Variants in NBEA observed in about 807,000 individuals in gnomAD.
The protein encoded by NBEA is neurobeachin.
In NBEA, 44 loss-of-function variants were observed where a neutral mutation model predicts 343.4. That is an observed-to-expected ratio of 0.13 (90% CI 0.10 to 0.16). The LOEUF is 0.16. Among genes scored for constraint, NBEA ranks in the 10% least tolerant of loss-of-function variants. The pLI, the probability that NBEA is intolerant of heterozygous loss-of-function variation, is 1.00. For missense variants in NBEA, 2,555 were observed against 3,631.3 expected (o/e 0.70, Z 7.62); for synonymous variants, 1,175 against 1,238.7 (o/e 0.95, Z 1.08).
intron 43 of NBEA, among the ~76,000 whole-genome samples, chr13:35,554,557 G>C (rs1309086136): frequency 6.6e-6 from 1 of 152,230 alleles, no homozygotes; most frequent in East Asian, 1.9e-4. Flanking sequence ...CTCTGTGTGT[G>C]TGAAGGCAAG....
intron 1 of NBEA, among the ~76,000 whole-genome samples, chr13:35,008,909 TG>T (rs1005065325): frequency 3.3e-5 from 5 of 152,204 alleles, no homozygotes; most frequent in African/African-American, 1.2e-4. Flanking sequence ...TTAAAATCTT[TG>T]TTCAGGTTCT....
chr13:35,178,294 C>T (rs1309678723), intron 28 of NBEA, among the ~76,000 whole-genome samples: 3 of 151,688 alleles, frequency 2.0e-5, no homozygotes, highest in Admixed American at 1.3e-4. Context: ...AGAACCCAGT[C>T]GTTCTAGTCA....
At chr13:35,086,036 C>G in intron 10 of NBEA, among the ~76,000 whole-genome samples, 1 of 152,036 alleles carries the variant, frequency 6.6e-6, no homozygotes, top group Non-Finnish European at 1.5e-5. Flanking sequence ...CGTGAAGGAC[C>G]TCTTCAAGGA....
intron 38 of NBEA, among the ~76,000 whole-genome samples, chr13:35,424,560 AT>A (rs775666203): frequency 2.0e-5 from 3 of 152,156 alleles, no homozygotes; most frequent in South Asian, 2.1e-4. Context: ...CCAGTATTTT[AT>A]TGAGGATTTT....
At chr13:35,212,213 C>T (rs1184752042) in intron 33 of NBEA, among the ~76,000 whole-genome samples, 1 of 152,166 alleles carries the variant, frequency 6.6e-6, no homozygotes, top group Admixed American at 6.5e-5. Flanking sequence ...ACTTTTAATA[C>T]TAAGCTAGTT....
At chr13:35,206,584 T>C (rs1401769622) in intron 31 of NBEA, among the ~76,000 whole-genome samples, 2 of 152,156 alleles carry the variant, frequency 1.3e-5, no homozygotes, top group African/African-American at 2.4e-5. Context: ...CTTTTTTCTG[T>C]TGATTTTTAT....
chr13:35,373,661 C>T (rs943213502), intron 38 of NBEA, among the ~76,000 whole-genome samples: 14 of 150,884 alleles, frequency 9.3e-5, no homozygotes, highest in South Asian at 4.2e-4. Context: ...GATGTGATGG[C>T]GCCACTGCAC....
chr13:35,433,669 T>C (rs1264320721), intron 39 of NBEA, among the ~76,000 whole-genome samples: 1 of 152,024 alleles, frequency 6.6e-6, no homozygotes, highest in Admixed American at 6.6e-5. Context: ...TAACTTTATA[T>C]AGTAAAAGTA....
intron 1 of NBEA, among the ~76,000 whole-genome samples, chr13:35,011,355 A>G (rs1010372489): frequency 1.3e-5 from 2 of 152,242 alleles, no homozygotes. Context: ...CTTCTCATCT[A>G]TAAATTGAGA....
intron 49 of NBEA, among the ~76,000 whole-genome samples, 168 bp from the exon 50 acceptor site, chr13:35,645,701 C>T (rs573750532): frequency 3.5e-4 from 53 of 152,166 alleles, no homozygotes; most frequent in Admixed American, 3.3e-3. Context: ...GCATAGAAAG[C>T]TAAAATATAT....
At chr13:35,238,811 T>C (rs2075353840) in intron 34 of NBEA, among the ~76,000 whole-genome samples, 1 of 152,152 alleles carries the variant, frequency 6.6e-6, no homozygotes, top group Non-Finnish European at 1.5e-5. Context: ...AATCATATAA[T>C]ACTCAAGAAT....
intron 10 of NBEA, among the ~76,000 whole-genome samples, chr13:35,084,144 A>C (rs916871947): frequency 5.9e-5 from 9 of 152,242 alleles, no homozygotes; most frequent in Admixed American, 5.9e-4. Context: ...TTAACACCCC[A>C]CTGTCAACAT....
intron 1 of NBEA, among the ~76,000 whole-genome samples, chr13:35,025,056 A>T (rs1050004339): frequency 1.3e-5 from 2 of 152,084 alleles, no homozygotes; most frequent in African/African-American, 4.8e-5. Flanking sequence ...CATATTTCTT[A>T]TAGATTCTAG....
chr13:35,606,338 AT>A (rs1251900034), intron 47 of NBEA, 87 bp from the exon 48 acceptor site: 4 of 648,814 alleles, frequency 6.2e-6, no homozygotes. Context: ...ATTTTATTCC[AT>A]TTATAGTTAA....
At chr13:35,667,928 C>G (rs1486998407) in intron 57 of NBEA, among the ~76,000 whole-genome samples, 1 of 152,194 alleles carries the variant, frequency 6.6e-6, no homozygotes, top group South Asian at 2.1e-4. Context: ...ACAAAAATTA[C>G]ATATACCCAT....
intron 1 of NBEA, among the ~76,000 whole-genome samples, chr13:35,008,779 T>G (rs1433159054): frequency 1.3e-5 from 2 of 152,244 alleles, no homozygotes; most frequent in African/African-American, 2.4e-5. Flanking sequence ...TGCTACTGCC[T>G]TCTTTCTACT....
chr13:35,290,279 C>T, intron 34 of NBEA, 110 bp from the exon 35 acceptor site: 2 of 660,304 alleles, frequency 3.0e-6, no homozygotes, highest in South Asian at 3.8e-5. Context: ...CTTAGGAATT[C>T]TATTTAAAAG....
chr13:35,469,575 A>C (rs1430883961), intron 40 of NBEA, among the ~76,000 whole-genome samples: 1 of 152,244 alleles, frequency 6.6e-6, no homozygotes, highest in Non-Finnish European at 1.5e-5. Context: ...TCAATGCAAT[A>C]GGAAGAGGTT....
chr13:35,222,134 G>T (rs1296603434), intron 33 of NBEA, among the ~76,000 whole-genome samples: 2 of 151,728 alleles, frequency 1.3e-5, no homozygotes, highest in East Asian at 1.9e-4. Flanking sequence ...AAATGGCTTG[G>T]TTTTTTTTAA....
Sources: allele counts gnomAD v4.1 joint callset (sites outside exome capture counted in the v4.1 genomes callset), GRCh38; gene constraint gnomAD v4.1.1; transcripts MANE v1.5; gene names NCBI Gene and HGNC (gene_info 2026-07-23, HGNC 2026-07-21).